The following AMOTL1 variants were observed in gnomAD, a reference collection of about 807,000 sequenced individuals.
The protein encoded by AMOTL1 is angiomotin like 1, also known as angiomotin-like protein 1.
In AMOTL1, 45 loss-of-function variants were observed where a neutral mutation model predicts 102.9. The observed-to-expected ratio is 0.44, with a 90% CI of 0.34 to 0.56. AMOTL1 has a LOEUF of 0.56. Among genes scored for constraint, AMOTL1 ranks in the 20% least tolerant of loss-of-function variants. The pLI is 0.01. For synonymous variants in AMOTL1, 481 were observed against 484.7 expected (o/e 0.99, Z 0.10); for missense variants, 1,114 against 1,225.6 (o/e 0.91, Z 1.36).
chr11:94,862,399 G>GA (rs1952792131), intron 9 of AMOTL1, among the ~76,000 whole-genome samples: 1 of 152,162 alleles, frequency 6.6e-6, no homozygotes, highest in Non-Finnish European at 1.5e-5. Flanking sequence ...TGGTAAAAAT[G>GA]ACTATTTCCA....
intron 1 of AMOTL1, among the ~76,000 whole-genome samples, chr11:94,782,186 CTG>C (rs1469835725): frequency 1.3e-5 from 2 of 152,182 alleles, no homozygotes; most frequent in Non-Finnish European, 2.9e-5. Flanking sequence ...AACTGACAAA[CTG>C]TGGTTATTCT....
chr11:94,771,437 G>A (rs1950950186), intron 1 of AMOTL1, among the ~76,000 whole-genome samples: 1 of 152,136 alleles, frequency 6.6e-6, no homozygotes, highest in Non-Finnish European at 1.5e-5. Flanking sequence ...TAGTGTGGAG[G>A]TCAAGTAAAG....
chr11:94,864,938 T>C (rs1193134709), intron 10 of AMOTL1, 78 bp downstream of exon 10: 15 of 1,503,204 alleles, frequency 1.0e-5, no homozygotes, highest in Middle Eastern at 1.8e-4. Context: ...TGCTTCTCTG[T>C]CCTGTTCTGA....
chr11:94,849,930 G>A (rs999173316), intron 6 of AMOTL1, among the ~76,000 whole-genome samples, 184 bp from the exon 7 acceptor site: 9 of 152,112 alleles, frequency 5.9e-5, no homozygotes, highest in South Asian at 2.1e-4. Flanking sequence ...ACTGTTGACC[G>A]TGGTTTTTGA....
chr11:94,764,964 A>G (rs1367176671), upstream of AMOTL1, among the ~76,000 whole-genome samples: 1 of 152,212 alleles, frequency 6.6e-6, no homozygotes, highest in African/African-American at 2.4e-5. Context: ...ATGGACTAGA[A>G]GCAGGTCTTA....
intron 1 of AMOTL1, among the ~76,000 whole-genome samples, chr11:94,723,416 G>A (rs1950205815): frequency 6.6e-6 from 1 of 152,222 alleles, no homozygotes; most frequent in South Asian, 2.1e-4. Flanking sequence ...TGAGAGTTCT[G>A]CAAAGGACCA....
At chr11:94,863,755 T>C (rs1249934769) in intron 9 of AMOTL1, among the ~76,000 whole-genome samples, 1 of 152,256 alleles carries the variant, frequency 6.6e-6, no homozygotes, top group Non-Finnish European at 1.5e-5. Context: ...GCAGTGATCT[T>C]ATTTTTACTA....
intron 6 of AMOTL1, among the ~76,000 whole-genome samples, chr11:94,837,706 T>TA (rs1952213223): frequency 6.6e-6 from 1 of 152,218 alleles, no homozygotes; most frequent in African/African-American, 2.4e-5. Flanking sequence ...TTGCCATGCT[T>TA]AAAGAATGGA....
Position 94,843,053 on chromosome 11 carries a change from A to G in AMOTL1, c.1649-7061A>G, listed in dbSNP as rs74688591. Among the ~76,000 whole-genome samples the G allele has an allele frequency of 3.6e-3, 546 of 152,328 alleles. 13 individuals are homozygous for G. The East Asian group carries it at 0.067, about 19-fold the overall frequency. ...GCCTGGCAGAACCCTGGTAATCTGC[A>G]CCAGAGCTCAGGGACAGCAGAAAGC... On this transcript the variant is annotated intron_variant, in intron 6 of 12. Transcript: ENST00000433060.
At position 94,852,087 on chromosome 11, in the gene AMOTL1, T is replaced by C. The variant is rs958210570; in HGVS notation, c.1794+1828T>C. Reference sequence around the variant, plus strand: ...AGAAAAGTATACTCAGTGGAAGATATGGTAAGTGGTGTATGAATCACACAC... The same window carrying C: ...AGAAAAGTATACTCAGTGGAAGATACGGTAAGTGGTGTATGAATCACACAC... On this transcript the variant is annotated intron_variant, in intron 7 of 12. Transcript: ENST00000433060. Among the ~76,000 whole-genome samples, 7 of 152,172 alleles carry C rather than the reference T, an allele frequency of 4.6e-5. No individual in the cohort carries two copies. In the South Asian group the frequency reaches 6.2e-4, roughly 14 times the overall value.
intron 3 of AMOTL1, among the ~76,000 whole-genome samples, chr11:94,753,746 T>C (rs570784913): frequency 6.6e-6 from 1 of 152,318 alleles, no homozygotes; most frequent in African/African-American, 2.4e-5. Flanking sequence ...AAACTCCTGA[T>C]TCTCAATAAC....
At chr11:94,750,559 G>A (rs910321517) in intron 3 of AMOTL1, among the ~76,000 whole-genome samples, 2 of 152,192 alleles carry the variant, frequency 1.3e-5, no homozygotes, top group African/African-American at 4.8e-5. Context: ...GGCTACGTGT[G>A]CGTAGCCTTG....
chr11:94,736,676 A>G (rs918144409), intron 2 of AMOTL1, among the ~76,000 whole-genome samples: 4 of 152,216 alleles, frequency 2.6e-5, no homozygotes, highest in African/African-American at 9.6e-5. Flanking sequence ...GAAACTGAAA[A>G]TGCCTGCCAC....
In AMOTL1 at chr11:94,865,916, G is replaced by A. The variant is rs1471979941; in HGVS notation, c.2262-26G>A. Reference sequence around the variant, plus strand: ...TTTTTCTAGCCAAGTGGCTTTTTATGGAGACTGTTTTGTTTTGTTTTACAG... The same window carrying A: ...TTTTTCTAGCCAAGTGGCTTTTTATAGAGACTGTTTTGTTTTGTTTTACAG... On this transcript the variant is annotated intron_variant, in intron 10 of 12. Coordinates refer to ENST00000433060, the MANE Select transcript of AMOTL1 (RefSeq NM_130847.3). The A allele has an allele frequency of 1.4e-5, 23 of 1,592,858 alleles. 1 individual carries two copies. The African/African-American group carries it at 2.1e-4, about 15-fold the overall frequency.
intron 2 of AMOTL1, among the ~76,000 whole-genome samples, chr11:94,797,289 G>A (rs1951386970): frequency 6.6e-6 from 1 of 152,208 alleles, no homozygotes; most frequent in Non-Finnish European, 1.5e-5. Context: ...GTAGTTAGTG[G>A]TAGAATTTCT....
chr11:94,735,335 T>C (rs1950422895), intron 2 of AMOTL1, among the ~76,000 whole-genome samples: 1 of 152,244 alleles, frequency 6.6e-6, no homozygotes, highest in Non-Finnish European at 1.5e-5. Flanking sequence ...AGTGTGCTCT[T>C]AGCTCTAGAA....
intron 4 of AMOTL1, among the ~76,000 whole-genome samples, chr11:94,828,709 G>C (rs1483389750): frequency 1.3e-5 from 2 of 152,170 alleles, no homozygotes; most frequent in African/African-American, 4.8e-5. Flanking sequence ...TATCTGTTCA[G>C]ATATTTATTA....
At chr11:94,772,823 A>G (rs995942685) in intron 1 of AMOTL1, among the ~76,000 whole-genome samples, 1 of 152,228 alleles carries the variant, frequency 6.6e-6, no homozygotes, top group African/African-American at 2.4e-5. Flanking sequence ...CCTATTAGCA[A>G]TGTATGAGAG....
Position 94,870,819 on chromosome 11 carries a change from T to C in AMOTL1, c.*24T>C. The C allele has an allele frequency of 6.5e-7, 1 of 1,549,606 alleles. No homozygotes were observed. Among genetic ancestry groups the C allele is most frequent in the African/African-American group, 1.4e-5 (1 of 73,474 alleles). The stretch of plus-strand genomic sequence containing the variant: ...AACTGCCATCCCTGTGGAATTTCAG[T>C]ACAGAACACTGACAAACAAGGAAAG... On this transcript the variant is annotated 3_prime_UTR_variant, in exon 13 of 13. Transcript: ENST00000433060.
Sources: allele counts gnomAD v4.1 joint callset (sites outside exome capture counted in the v4.1 genomes callset), GRCh38; gene constraint gnomAD v4.1.1; transcripts MANE v1.5; gene names NCBI Gene and HGNC (gene_info 2026-07-23, HGNC 2026-07-21).